Variants in PTPRG observed in about 807,000 individuals in gnomAD.
PTPRG encodes the protein protein tyrosine phosphatase receptor type G, also known as receptor-type tyrosine-protein phosphatase gamma.
Under a neutral mutation model 165.3 loss-of-function variants are expected in PTPRG, and 102 were observed. That is an observed-to-expected ratio of 0.62 (90% CI 0.53 to 0.73). The LOEUF is 0.73. PTPRG is among the 30% of genes least tolerant of loss of function. The probability of loss-of-function intolerance (pLI) is 0.00; values close to 1 mark genes in which losing one functional copy is unlikely to be tolerated. For missense variants in PTPRG, 1,866 were observed against 1,861.4 expected (o/e 1.00, Z -0.05); for synonymous variants, 675 against 669.5 (o/e 1.01, Z -0.13).
At chr3:61,896,991 G>C (rs566456599) in intron 2 of PTPRG, among the ~76,000 whole-genome samples, 3 of 151,070 alleles carry the variant, frequency 2.0e-5, no homozygotes, top group East Asian at 2.0e-4. Context: ...TGTTGAATTT[G>C]TGGTGTGCAA....
At chr3:61,608,716 G>A (rs751000359) in intron 1 of PTPRG, among the ~76,000 whole-genome samples, 2 of 152,168 alleles carry the variant, frequency 1.3e-5, no homozygotes, top group Admixed American at 6.5e-5. Flanking sequence ...AGCATGAGTC[G>A]GCCTGGGAAG....
chr3:62,054,628 G>A (rs1700572686), intron 4 of PTPRG, among the ~76,000 whole-genome samples: 1 of 152,206 alleles, frequency 6.6e-6, no homozygotes, highest in African/African-American at 2.4e-5. Context: ...GGTTGAGGCA[G>A]CTGCCTAATC....
chr3:62,098,314 A>G (rs1247262458), intron 5 of PTPRG, among the ~76,000 whole-genome samples: 1 of 152,224 alleles, frequency 6.6e-6, no homozygotes, highest in Non-Finnish European at 1.5e-5. Context: ...CATGGTTTGC[A>G]TATCACTTAC....
intron 2 of PTPRG, among the ~76,000 whole-genome samples, chr3:61,969,503 C>G (rs1466206034): frequency 1.3e-5 from 2 of 152,040 alleles, no homozygotes; most frequent in Non-Finnish European, 2.9e-5. Context: ...TCCTTTTCAG[C>G]AAAAAGTATT....
chr3:62,134,841 C>A (rs1489349731), intron 6 of PTPRG, among the ~76,000 whole-genome samples: 1 of 151,938 alleles, frequency 6.6e-6, no homozygotes, highest in East Asian at 1.9e-4. Context: ...TGAAAATTTT[C>A]AAAATATGAA....
intron 1 of PTPRG, among the ~76,000 whole-genome samples, chr3:61,699,127 A>G (rs2030796265): frequency 6.6e-6 from 1 of 152,148 alleles, no homozygotes; most frequent in Non-Finnish European, 1.5e-5. Flanking sequence ...ATATGTAACA[A>G]ACCTGCATGT....
At chr3:62,105,154 T>C (rs1215931945) in intron 5 of PTPRG, among the ~76,000 whole-genome samples, 2 of 152,166 alleles carry the variant, frequency 1.3e-5, no homozygotes, top group African/African-American at 2.4e-5. Flanking sequence ...TAGCGTGATG[T>C]TGGGGGAATG....
At chr3:62,187,261 G>T (rs1057044587) in intron 8 of PTPRG, among the ~76,000 whole-genome samples, 1 of 152,224 alleles carries the variant, frequency 6.6e-6, no homozygotes, top group African/African-American at 2.4e-5. Context: ...CTGTCAGCCT[G>T]TGCAGAGGGG....
At chr3:61,649,524 A>G (rs1702290812) in intron 1 of PTPRG, among the ~76,000 whole-genome samples, 2 of 152,126 alleles carry the variant, frequency 1.3e-5, no homozygotes, top group African/African-American at 2.4e-5. Flanking sequence ...CACTATCTGA[A>G]GACTCTTTTA....
At chr3:61,855,651 C>CTTTT (rs35525843) in intron 2 of PTPRG, among the ~76,000 whole-genome samples, 3 of 120,324 alleles carry the variant, frequency 2.5e-5, no homozygotes, top group African/African-American at 6.3e-5. Context: ...AAGGGTAGGC[C>CTTTT]TTTTTTTTTT....
At chr3:61,795,101 G>C (rs2035004098) in intron 2 of PTPRG, among the ~76,000 whole-genome samples, 3 of 152,120 alleles carry the variant, frequency 2.0e-5, no homozygotes, top group Admixed American at 2.0e-4. Flanking sequence ...AGCCTTATCT[G>C]TTAATCCCTT....
At chr3:62,201,476 T>G (rs1187085359) in intron 10 of PTPRG, 29 bp from the exon 11 acceptor site, 1 of 1,572,228 alleles carries the variant, frequency 6.4e-7, no homozygotes. Context: ...AAAGTTATAT[T>G]GCTTAAATGT....
intron 2 of PTPRG, among the ~76,000 whole-genome samples, chr3:61,959,435 G>T (rs1245003240): frequency 6.6e-6 from 1 of 152,186 alleles, no homozygotes. Flanking sequence ...CAGATCATCA[G>T]GCACGTGCAA....
intron 6 of PTPRG, among the ~76,000 whole-genome samples, chr3:62,139,498 A>G (rs1703842454): frequency 6.6e-6 from 1 of 152,156 alleles, no homozygotes; most frequent in Non-Finnish European, 1.5e-5. Context: ...AGAAATTGCC[A>G]CAGACATAAT....
At chr3:61,950,687 A>G (rs1249540290) in intron 2 of PTPRG, among the ~76,000 whole-genome samples, 2 of 152,196 alleles carry the variant, frequency 1.3e-5, no homozygotes, top group East Asian at 3.8e-4. Flanking sequence ...TGTTCACCTA[A>G]GAAGTCTTGC....
intron 2 of PTPRG, among the ~76,000 whole-genome samples, chr3:61,760,343 A>T (rs917882191): frequency 8.5e-5 from 13 of 152,168 alleles, no homozygotes; most frequent in Non-Finnish European, 1.6e-4. Flanking sequence ...TTAAATAAAT[A>T]CTTGGCCCAA....
chr3:62,148,216 T>C (rs2106667728), intron 6 of PTPRG, among the ~76,000 whole-genome samples: 1 of 152,104 alleles, frequency 6.6e-6, no homozygotes, highest in Admixed American at 6.5e-5. Context: ...AGCTCAGACA[T>C]GAAGGATGAA....
intron 5 of PTPRG, among the ~76,000 whole-genome samples, chr3:62,117,437 C>G (rs188762361): frequency 1.3e-5 from 2 of 152,222 alleles, no homozygotes; most frequent in East Asian, 3.9e-4. Flanking sequence ...TGCAGGGATA[C>G]CAAGATCTGA....
intron 2 of PTPRG, among the ~76,000 whole-genome samples, chr3:61,962,241 T>A (rs2040169006): frequency 6.6e-6 from 1 of 152,174 alleles, no homozygotes; most frequent in South Asian, 2.1e-4. Flanking sequence ...CAAGACAAGA[T>A]CAGGATAATA....
Sources: gnomAD v4.1 joint callset for allele counts (sites outside exome capture counted in the v4.1 genomes callset) on GRCh38, gnomAD v4.1.1 for gene constraint, MANE v1.5 for transcripts, NCBI Gene and HGNC (gene_info 2026-07-23, HGNC 2026-07-21) for gene names.